The following LNX2 variants were observed in gnomAD, a reference collection of about 807,000 sequenced individuals.
The protein encoded by LNX2 is ligand of numb-protein X 2.
A neutral mutation model predicts 66.2 loss-of-function variants in LNX2; 35 were observed. The observed-to-expected ratio is 0.53, with a 90% CI of 0.40 to 0.70. LNX2 has a LOEUF of 0.70. Among genes scored for constraint, LNX2 ranks in the 30% least tolerant of loss-of-function variants. The pLI is 0.00. For missense variants in LNX2, 791 were observed against 850.8 expected (o/e 0.93, Z 0.87); for synonymous variants, 337 against 315.6 (o/e 1.07, Z -0.72).
rs1456101243 is a variant in LNX2 at position 27,583,241 on chromosome 13, T to TGCGCGC, written c.-100-1439_-100-1438insGCGCGC. ...GTGTGTGTGTGTGTGTGTGTGTGTG[T>TGCGCGC]GTGTGTGTGTGTGTGCGCGCGTCCT... On this transcript the variant is annotated intron_variant, in intron 1 of 9. Coordinates refer to ENST00000316334, the MANE Select transcript of LNX2 (RefSeq NM_153371.4). 1.5e-4 allele frequency among the ~76,000 whole-genome samples: 3 copies of TGCGCGC among 20,556 alleles called. 1 individual carries two copies. The highest frequency in any genetic ancestry group is 6.0e-4 in the Admixed American group (1 of 1,680). 13.5% of individuals were successfully genotyped at this position (20,556 alleles called of 152,430 possible). A position where few individuals can be genotyped will look rare whatever the true frequency, so the allele number is the denominator to read the frequency against.
chr13:27,569,743 G>A (rs1221126056), intron 2 of LNX2, among the ~76,000 whole-genome samples: 1 of 152,054 alleles, frequency 6.6e-6, no homozygotes, highest in African/African-American at 2.4e-5. Flanking sequence ...CACACGACAC[G>A]CTCATTAATT....
intron 1 of LNX2, among the ~76,000 whole-genome samples, chr13:27,590,176 G>A (rs1055271546): frequency 6.6e-6 from 1 of 151,934 alleles, no homozygotes; most frequent in Non-Finnish European, 1.5e-5. Context: ...TCACATGTTA[G>A]CCAAAAGTGC....
At chr13:27,583,832 G>T (rs1345254730) in intron 1 of LNX2, among the ~76,000 whole-genome samples, 1 of 152,096 alleles carries the variant, frequency 6.6e-6, no homozygotes, top group East Asian at 1.9e-4. Context: ...TCTAAGAAAA[G>T]TTATGCACAG....
intron 8 of LNX2, among the ~76,000 whole-genome samples, chr13:27,551,362 G>C (rs1955005781): frequency 6.6e-6 from 1 of 151,872 alleles, no homozygotes; most frequent in African/African-American, 2.4e-5. Context: ...CAGTTAGAAT[G>C]CTACTGCCAG....
In LNX2 at chr13:27,562,460, G is replaced by C; in HGVS notation, c.1177C>G (p.His393Asp). 1 of 1,614,138 alleles carries C rather than the reference G, an allele frequency of 6.2e-7. No homozygotes were observed. Among genetic ancestry groups the C allele is most frequent in the Admixed American group, 1.7e-5 (1 of 60,024 alleles). The change falls in exon 5 of 10, where the codon CAC becomes GAC. Residue 393 changes from histidine to aspartate, a missense_variant. Transcript: ENST00000316334. ...TCCGGAGTTCCATACTTCAGGTCGT[G>C]CCCATTGATGGCCAGCACTCGGTCA... is the stretch of plus-strand genomic sequence containing the variant. ...SNDRVLAING[H>D]DLKYGTPELA... is the part of the protein sequence containing the mutation.
At chr13:27,615,341 G>A (rs1955814925) in intron 1 of LNX2, among the ~76,000 whole-genome samples, 1 of 152,234 alleles carries the variant, frequency 6.6e-6, no homozygotes, top group Non-Finnish European at 1.5e-5. Flanking sequence ...GAGGTACGGG[G>A]AAGGGGTGCG....
chr13:27,569,266 C>G lies in LNX2; in HGVS notation c.418G>C (p.Ala140Pro), dbSNP rs1158032098. The change falls in exon 3 of 10, where the codon GCT becomes CCT. Residue 140 changes from alanine to proline, a missense_variant. Transcript: ENST00000316334. Reference protein sequence around the residue: ...EAHLKNRCPGASHRRVALERR... With the variant: ...EAHLKNRCPGPSHRRVALERR... ...TCCAGGGCAACTCTCCGATGAGAAG[C>G]TCCAGGACATCTAGAAAAAGAATAT... The G allele has an allele frequency of 6.2e-7, 1 of 1,609,926 alleles. No individual in the cohort carries two copies. Among genetic ancestry groups the G allele is most frequent in the Non-Finnish European group, 8.5e-7 (1 of 1,178,858 alleles).
At chr13:27,564,194 C>T (rs1312466114) in intron 4 of LNX2, among the ~76,000 whole-genome samples, 1 of 152,192 alleles carries the variant, frequency 6.6e-6, no homozygotes, top group East Asian at 1.9e-4. Context: ...AGCCTCATAA[C>T]ATCTTTGTGA....
intron 7 of LNX2, among the ~76,000 whole-genome samples, chr13:27,554,088 C>T (rs1181847616): frequency 6.6e-6 from 1 of 152,182 alleles, no homozygotes; most frequent in African/African-American, 2.4e-5. Flanking sequence ...AGGAAGCAGA[C>T]ATTTGTGCTA....
intron 2 of LNX2, among the ~76,000 whole-genome samples, chr13:27,579,781 A>G (rs903176917): frequency 6.6e-6 from 1 of 152,214 alleles, no homozygotes; most frequent in African/African-American, 2.4e-5. Flanking sequence ...TGAAAGAAGC[A>G]GCCTGAAATA....
intron 1 of LNX2, among the ~76,000 whole-genome samples, chr13:27,616,187 T>TGGGGGGGG (rs58265063): frequency 1.1e-5 from 1 of 90,832 alleles, no homozygotes; most frequent in Non-Finnish European, 2.3e-5. Context: ...GGTGGGGGGT[T>TGGGGGGGG]GGGGGGGGTA....
Position 27,556,722 on chromosome 13 carries a change from C to T in LNX2, c.1369-309G>A, listed in dbSNP as rs1955065710. ...TTTGAGCTTCATGTTTGATCAACTT[C>T]ACAAAAGTAAATGATGCTTTTGAGT... On this transcript the variant is annotated intron_variant, in intron 6 of 9. Coordinates refer to ENST00000316334, the MANE Select transcript of LNX2 (RefSeq NM_153371.4). Among the ~76,000 whole-genome samples, 6 of 152,156 alleles carry T rather than the reference C, an allele frequency of 3.9e-5. No homozygotes were observed. The South Asian group carries it at 1.0e-3, about 26-fold the overall frequency.
At chr13:27,578,976 C>CA (rs1302466668) in intron 2 of LNX2, among the ~76,000 whole-genome samples, 1 of 152,168 alleles carries the variant, frequency 6.6e-6, no homozygotes, top group Admixed American at 6.5e-5. Flanking sequence ...CACAGATCAA[C>CA]AATTTAATTG....
At chr13:27,569,573 T>A (rs1002992003) in intron 2 of LNX2, among the ~76,000 whole-genome samples, 9 of 152,208 alleles carry the variant, frequency 5.9e-5, no homozygotes. Context: ...CTCATAGTCA[T>A]CTCTGTACTG....
chr13:27,576,564 A>AC (rs1566122258), intron 2 of LNX2, among the ~76,000 whole-genome samples: 52 of 147,682 alleles, frequency 3.5e-4, no homozygotes, highest in African/African-American at 1.3e-3. Context: ...TAAAAGCACA[A>AC]AAAAAAAAAA....
In LNX2 at chr13:27,585,229, T is replaced by C. The variant is rs1021169689; in HGVS notation, c.-100-3426A>G. On this transcript the variant is annotated intron_variant, in intron 1 of 9. Transcript: ENST00000316334. ...TCACGAGGTCAGGAGATCGAGACCATCCTGGCTAACACAGTGAAACCCCGT... is the reference window on the plus strand; with the variant it reads ...TCACGAGGTCAGGAGATCGAGACCACCCTGGCTAACACAGTGAAACCCCGT... 7.9e-5 allele frequency among the ~76,000 whole-genome samples: 12 copies of C among 151,802 alleles called. No homozygotes were observed. The South Asian group carries it at 1.5e-3, about 18-fold the overall frequency.
chr13:27,606,027 A>G (rs1273576182), intron 1 of LNX2, among the ~76,000 whole-genome samples: 1 of 152,188 alleles, frequency 6.6e-6, no homozygotes, highest in African/African-American at 2.4e-5. Context: ...CCTCAAAATG[A>G]AAGCTATTCT....
At position 27,547,257 on chromosome 13, in the gene LNX2, T is replaced by G. The variant is rs1954950839; in HGVS notation, c.*1078A>C. 1 of 152,164 alleles carries G rather than the reference T, an allele frequency of 6.6e-6. No individual in the cohort carries two copies. Among genetic ancestry groups the G allele is most frequent in the Non-Finnish European group, 1.5e-5 (1 of 68,010 alleles). The allele number at this position is 152,164 out of a possible 1,614,324, so 9.4% of individuals were successfully genotyped here. A position where few individuals can be genotyped will look rare whatever the true frequency, so the allele number is the denominator to read the frequency against. On this transcript the variant is annotated 3_prime_UTR_variant, in exon 10 of 10. Transcript: ENST00000316334. ...CTAGAAATAATTTTTTAGCAAAAAC[T>G]ACTTCAAAATTTCCCTACATAGCAA...
Position 27,596,279 on chromosome 13 carries a change from CAT to C in LNX2, c.-100-14478_-100-14477del, listed in dbSNP as rs770805263. Among the ~76,000 whole-genome samples the C allele has an allele frequency of 1.3e-4, 20 of 152,160 alleles. No individual in the cohort carries two copies. The South Asian group carries it at 3.9e-3, about 30-fold the overall frequency. ...CATTTTGTCATTTACTACCATAAAA[CAT>C]ATAAAAACTATAAAAAGTTAAAACC... On this transcript the variant is annotated intron_variant, in intron 1 of 9. Transcript: ENST00000316334.
Sources: allele counts gnomAD v4.1 joint callset (sites outside exome capture counted in the v4.1 genomes callset), GRCh38; gene constraint gnomAD v4.1.1; transcripts MANE v1.5; gene names NCBI Gene and HGNC (gene_info 2026-07-23, HGNC 2026-07-21).